The following DYNC1I1 variants were observed in gnomAD, a reference collection of about 807,000 sequenced individuals.
DYNC1I1 encodes the protein cytoplasmic dynein 1 intermediate chain 1.
A neutral mutation model predicts 86.6 loss-of-function variants in DYNC1I1; 43 were observed. The ratio of observed to expected loss-of-function variants is 0.50; its 90% CI spans 0.39 to 0.64. The LOEUF (loss-of-function observed/expected upper bound fraction) is 0.64, where lower values mean the gene tolerates loss of function less well. DYNC1I1 is among the 30% of genes least tolerant of loss of function. The pLI is 0.00. For missense variants in DYNC1I1, 604 were observed against 788.8 expected, an observed-to-expected ratio of 0.77 and a Z score of 2.81; for synonymous variants, 262 against 283.7, an observed-to-expected ratio of 0.92 and a Z score of 0.77.
chr7:96,048,688 G>C lies in DYNC1I1; in HGVS notation c.1509+9267G>C, dbSNP rs903668604. ...ATTGAGGGACCCTTCCTTTCTCCCA[G>C]GGTTGTGTTAGAGAACTGGGGATCT... On this transcript the variant is annotated intron_variant, in intron 14 of 16. Coordinates refer to ENST00000447467, the MANE Select transcript of DYNC1I1 (RefSeq NM_001135556.2). 1.3e-5 allele frequency among the ~76,000 whole-genome samples: 2 copies of C among 152,184 alleles called. 1 individual carries two copies. Among genetic ancestry groups the C allele is most frequent in the Admixed American group, 1.3e-4 (2 of 15,290 alleles).
chr7:95,823,368 G>A (rs1795122180), intron 4 of DYNC1I1, among the ~76,000 whole-genome samples: 1 of 152,126 alleles, frequency 6.6e-6, no homozygotes, highest in African/African-American at 2.4e-5. Flanking sequence ...ACTAAGTGAA[G>A]GGAAATTATA....
intron 13 of DYNC1I1, among the ~76,000 whole-genome samples, 170 bp from the exon 14 acceptor site, chr7:96,039,107 G>A (rs1562981438): frequency 1.3e-5 from 2 of 152,172 alleles, no homozygotes; most frequent in Non-Finnish European, 2.9e-5. Flanking sequence ...TAACATATTT[G>A]CAAACAATTT....
intron 14 of DYNC1I1, among the ~76,000 whole-genome samples, chr7:96,074,200 T>A (rs1389865812): frequency 6.6e-6 from 1 of 152,182 alleles, no homozygotes; most frequent in African/African-American, 2.4e-5. Context: ...AAGACACATC[T>A]CACTATATCC....
intron 6 of DYNC1I1, among the ~76,000 whole-genome samples, chr7:95,973,714 A>G (rs1458097744): frequency 1.3e-5 from 2 of 152,148 alleles, no homozygotes; most frequent in African/African-American, 2.4e-5. Context: ...TCGTAGTGGC[A>G]TTTTTGGTCA....
At chr7:95,931,027 A>T (rs1433524613) in intron 6 of DYNC1I1, among the ~76,000 whole-genome samples, 1 of 152,248 alleles carries the variant, frequency 6.6e-6, no homozygotes, top group Non-Finnish European at 1.5e-5. Flanking sequence ...AAGATCGTAG[A>T]AAAACTGGTT....
chr7:95,869,754 C>T (rs3757696), intron 5 of DYNC1I1, 129 bp from the exon 6 acceptor site: 19 of 907,916 alleles, frequency 2.1e-5, no homozygotes, highest in Middle Eastern at 6.4e-4. Flanking sequence ...TGCTTCATGA[C>T]CCTGCCCCTT....
chr7:96,052,744 C>G (rs1789441113), intron 14 of DYNC1I1, among the ~76,000 whole-genome samples: 2 of 152,030 alleles, frequency 1.3e-5, no homozygotes, highest in African/African-American at 4.8e-5. Flanking sequence ...AAGGACAGCT[C>G]TCGGGACAAA....
At chr7:95,945,524 T>G (rs1562952188) in intron 6 of DYNC1I1, among the ~76,000 whole-genome samples, 1 of 152,158 alleles carries the variant, frequency 6.6e-6, no homozygotes. Context: ...ATATAATAAA[T>G]TAACTTCAGA....
intron 14 of DYNC1I1, 125 bp from the exon 15 acceptor site, chr7:96,075,932 C>T: frequency 7.5e-7 from 1 of 1,336,298 alleles, no homozygotes; most frequent in Non-Finnish European, 1.0e-6. Context: ...TTCACCTTCT[C>T]GAGGACTTTC....
Position 96,037,855 on chromosome 7 carries a change from G to A in DYNC1I1, c.1365-1422G>A, listed in dbSNP as rs770667277. Among the ~76,000 whole-genome samples, 82 of 152,248 alleles carry A rather than the reference G, an allele frequency of 5.4e-4. 1 individual carries two copies. The highest frequency in any genetic ancestry group is 6.8e-3 in the Middle Eastern group (2 of 294). Reference sequence around the variant, plus strand: ...ATACAGACCTTAGTAACATTGTAACGTAGCAGGCATTGGCTTTGTAGTCAT... The same window carrying A: ...ATACAGACCTTAGTAACATTGTAACATAGCAGGCATTGGCTTTGTAGTCAT... On this transcript the variant is annotated intron_variant, in intron 13 of 16. Transcript: ENST00000447467.
intron 11 of DYNC1I1, among the ~76,000 whole-genome samples, chr7:96,031,452 C>T (rs1794805136): frequency 6.6e-6 from 1 of 152,096 alleles, no homozygotes; most frequent in African/African-American, 2.4e-5. Context: ...GAAGTATCTC[C>T]TTGAACTTTC....
At chr7:96,092,470 A>G (rs1292798029) in intron 16 of DYNC1I1, among the ~76,000 whole-genome samples, 4 of 152,220 alleles carry the variant, frequency 2.6e-5, no homozygotes, top group South Asian at 2.1e-4. Flanking sequence ...ACAGCAAGTT[A>G]ATGGCAAATC....
chr7:96,051,137 T>G (rs1048954668), intron 14 of DYNC1I1, among the ~76,000 whole-genome samples: 1 of 152,188 alleles, frequency 6.6e-6, no homozygotes, highest in Non-Finnish European at 1.5e-5. Context: ...AGACAAGTTC[T>G]GAGTCTTTGG....
intron 14 of DYNC1I1, among the ~76,000 whole-genome samples, chr7:96,070,670 G>T (rs556318133): frequency 3.2e-4 from 49 of 152,156 alleles, no homozygotes; most frequent in Admixed American, 7.9e-4. Context: ...TTCATGGTTT[G>T]GGTCATTTAG....
intron 16 of DYNC1I1, among the ~76,000 whole-genome samples, chr7:96,105,936 A>G (rs1169497395): frequency 1.3e-5 from 2 of 152,190 alleles, no homozygotes; most frequent in East Asian, 3.9e-4. Context: ...GTATCCATAT[A>G]AAGTTGTTCA....
intron 11 of DYNC1I1, among the ~76,000 whole-genome samples, chr7:96,030,634 C>T (rs188449749): frequency 1.3e-5 from 2 of 151,968 alleles, no homozygotes; most frequent in East Asian, 1.9e-4. Flanking sequence ...TCAAAGAAGC[C>T]CCACTGGACT....
rs370302761 is a variant in DYNC1I1, at chr7:95,870,017, T to C, written c.490+19T>C. 168 of 1,594,642 alleles carry C rather than the reference T, an allele frequency of 1.1e-4. No individual in the cohort carries two copies. The highest frequency in any genetic ancestry group is 1.0e-3 in the Middle Eastern group (6 of 5,970). ...TCTGAAGGTAAACTATGTCTTTGGC[T>C]TACTTTCCATATTATCTCTGGAGAA... On this transcript the variant is annotated intron_variant, in intron 6 of 16. Coordinates refer to ENST00000447467, the MANE Select transcript of DYNC1I1 (RefSeq NM_001135556.2).
chr7:95,928,574 C>G (rs1791806521), intron 6 of DYNC1I1, among the ~76,000 whole-genome samples: 1 of 152,152 alleles, frequency 6.6e-6, no homozygotes, highest in South Asian at 2.1e-4. Context: ...CACCCCACTC[C>G]CCAGATTCCA....
chr7:95,939,825 T>C (rs2116440108), intron 6 of DYNC1I1, among the ~76,000 whole-genome samples: 1 of 152,334 alleles, frequency 6.6e-6, no homozygotes, highest in South Asian at 2.1e-4. Context: ...TATGTGTGAA[T>C]TTGATCCTGT....
Sources: gnomAD v4.1 joint callset for allele counts (sites outside exome capture counted in the v4.1 genomes callset) on GRCh38, gnomAD v4.1.1 for gene constraint, MANE v1.5 for transcripts, NCBI Gene and HGNC (gene_info 2026-07-23, HGNC 2026-07-21) for gene names.